GSG1L: variants seen among roughly 807,000 people sequenced by gnomAD.
GSG1L encodes GSG1 like.
Under a neutral mutation model 42.1 loss-of-function variants are expected in GSG1L, and 24 were observed. That is an observed-to-expected ratio of 0.57 (90% CI 0.41 to 0.80). The LOEUF (loss-of-function observed/expected upper bound fraction) is 0.80, where lower values mean the gene tolerates loss of function less well. Among genes scored for constraint, GSG1L ranks in the 30% least tolerant of loss-of-function variants. GSG1L has a pLI of 0.00. For missense variants in GSG1L, 445 were observed against 472.2 expected (o/e 0.94, Z 0.53); for synonymous variants, 215 against 203.5 (o/e 1.06, Z -0.48).
intron 2 of GSG1L, among the ~76,000 whole-genome samples, chr16:27,942,198 A>G (rs79905061): frequency 0.1 from 210 of 2,016 alleles, no homozygotes; most frequent in Non-Finnish European, 0.13. Context: ...TCCCCAGGCT[A>G]GAGTGCAGTG....
chr16:27,815,976 C>T (rs762577006), intron 5 of GSG1L, among the ~76,000 whole-genome samples: 10 of 152,080 alleles, frequency 6.6e-5, no homozygotes, highest in Non-Finnish European at 7.4e-5. Context: ...ATAAATAAAA[C>T]AATAAATAAA....
At chr16:28,000,023 G>A (rs1172959749) in intron 1 of GSG1L, among the ~76,000 whole-genome samples, 1 of 152,216 alleles carries the variant, frequency 6.6e-6, no homozygotes, top group Non-Finnish European at 1.5e-5. Flanking sequence ...TCATCATACA[G>A]TGGAAGAAAC....
chr16:28,043,346 A>T (rs547287594), intron 1 of GSG1L, among the ~76,000 whole-genome samples: 1 of 152,204 alleles, frequency 6.6e-6, no homozygotes, highest in South Asian at 2.1e-4. Flanking sequence ...GAGCATAGAA[A>T]ACTATAAAGG....
At chr16:28,020,430 C>T (rs942185715) in intron 1 of GSG1L, among the ~76,000 whole-genome samples, 6 of 152,168 alleles carry the variant, frequency 3.9e-5, no homozygotes, top group Admixed American at 6.5e-5. Context: ...GAAACAATAA[C>T]GATAACTAGT....
chr16:28,052,106 GGAGA>G (rs1002416483), intron 1 of GSG1L, among the ~76,000 whole-genome samples: 2 of 151,952 alleles, frequency 1.3e-5, no homozygotes, highest in African/African-American at 4.8e-5. Context: ...GTGTCTGTGG[GGAGA>G]GAGAGAAAGG....
chr16:27,909,635 CTTTTTTTTTTTTTTTT>C (rs10709968), intron 2 of GSG1L, among the ~76,000 whole-genome samples: 5 of 88,274 alleles, frequency 5.7e-5, no homozygotes, highest in African/African-American at 2.3e-4. Flanking sequence ...CTGCACCCAG[CTTTTTTTTTTTTTTTT>C]TTTTTTTTGA....
At chr16:27,942,273 C>T (rs1409968648) in intron 2 of GSG1L, among the ~76,000 whole-genome samples, 2 of 152,286 alleles carry the variant, frequency 1.3e-5, no homozygotes, top group Non-Finnish European at 2.9e-5. Context: ...CCTCAGCCTC[C>T]CAAGTAGCTG....
At chr16:28,051,047 C>T (rs1321885087) in intron 1 of GSG1L, among the ~76,000 whole-genome samples, 2 of 152,106 alleles carry the variant, frequency 1.3e-5, no homozygotes, top group African/African-American at 4.8e-5. Flanking sequence ...TGCTACAGTC[C>T]CCTGCACCTA....
At chr16:27,814,653 C>G (rs757915681) in intron 5 of GSG1L, among the ~76,000 whole-genome samples, 3 of 148,772 alleles carry the variant, frequency 2.0e-5, no homozygotes, top group South Asian at 4.3e-4. Flanking sequence ...CCATTGCACT[C>G]CAGCCTGGGT....
intron 5 of GSG1L, among the ~76,000 whole-genome samples, chr16:27,817,513 C>T (rs938356): frequency 0.29 from 44,233 of 151,428 alleles, 6,914 homozygotes; most frequent in Admixed American, 0.43. Flanking sequence ...TTTTTAGACA[C>T]GGGGTCTTGC....
At chr16:27,839,354 C>A (rs2083354112) in intron 4 of GSG1L, among the ~76,000 whole-genome samples, 1 of 152,232 alleles carries the variant, frequency 6.6e-6, no homozygotes, top group Non-Finnish European at 1.5e-5. Context: ...CACGATGTCC[C>A]ACTACCCTCA....
intron 1 of GSG1L, among the ~76,000 whole-genome samples, chr16:27,964,075 T>C (rs1215911048): frequency 1.3e-5 from 2 of 152,152 alleles, no homozygotes; most frequent in East Asian, 1.9e-4. Flanking sequence ...AAATTCAACA[T>C]ACAGATCATA....
intron 1 of GSG1L, among the ~76,000 whole-genome samples, chr16:28,035,977 C>T (rs1870750565): frequency 6.6e-6 from 1 of 152,094 alleles, no homozygotes. Flanking sequence ...TGAGTGGGCC[C>T]CTTTATTTAG....
intron 3 of GSG1L, among the ~76,000 whole-genome samples, chr16:27,880,897 T>C (rs1330791099): frequency 6.6e-6 from 1 of 151,810 alleles, no homozygotes; most frequent in Non-Finnish European, 1.5e-5. Flanking sequence ...GGGGACTGGA[T>C]GCCTGCCCCC....
chr16:28,060,128 G>C (rs2086324083), intron 1 of GSG1L, among the ~76,000 whole-genome samples: 1 of 151,812 alleles, frequency 6.6e-6, no homozygotes, highest in Non-Finnish European at 1.5e-5. Flanking sequence ...CTTTGCTGTA[G>C]TTTGATGGAA....
rs1240399656 is a variant in GSG1L at position 28,054,604 on chromosome 16, C to T, written c.349+8472G>A. On this transcript the variant is annotated intron_variant, in intron 1 of 6. Coordinates refer to ENST00000447459, the MANE Select transcript of GSG1L (RefSeq NM_001109763.2). ...AGATTGCACCACTGCACTCCAGCCT[C>T]GGCAACACATTGAGACTCCATCTCA... Among the ~76,000 whole-genome samples the T allele has an allele frequency of 3.3e-5, 5 of 151,750 alleles. No individual in the cohort carries two copies. In the East Asian group the frequency reaches 5.8e-4, roughly 18 times the overall value.
At chr16:27,873,845 G>A (rs2083853088) in intron 3 of GSG1L, among the ~76,000 whole-genome samples, 1 of 152,174 alleles carries the variant, frequency 6.6e-6, no homozygotes, top group African/African-American at 2.4e-5. Context: ...TGAAATGGAT[G>A]GCTACAGAGG....
intron 2 of GSG1L, among the ~76,000 whole-genome samples, chr16:27,929,983 G>T (rs1319149219): frequency 6.6e-6 from 1 of 152,044 alleles, no homozygotes; most frequent in South Asian, 2.1e-4. Flanking sequence ...GCACAGCCAG[G>T]CCTCCCCCAT....
At chr16:27,928,409 A>G (rs2084619359) in intron 2 of GSG1L, among the ~76,000 whole-genome samples, 1 of 151,984 alleles carries the variant, frequency 6.6e-6, no homozygotes, top group Non-Finnish European at 1.5e-5. Flanking sequence ...TCTGAGCGAC[A>G]CTCCTGTGTG....
Sources: gnomAD v4.1 joint callset for allele counts (sites outside exome capture counted in the v4.1 genomes callset) on GRCh38, gnomAD v4.1.1 for gene constraint, MANE v1.5 for transcripts, NCBI Gene and HGNC (gene_info 2026-07-23, HGNC 2026-07-21) for gene names.